The following ZRANB2 variants were observed in gnomAD, a reference collection of about 807,000 sequenced individuals.
ZRANB2 encodes the protein zinc finger Ran-binding domain-containing protein 2.
In ZRANB2, 19 loss-of-function variants were observed where a neutral mutation model predicts 53.4. That is an observed-to-expected ratio of 0.36 (90% CI 0.25 to 0.52). The LOEUF (loss-of-function observed/expected upper bound fraction) is 0.52, where lower values mean the gene tolerates loss of function less well. ZRANB2 is among the 20% of genes least tolerant of loss of function. The pLI is 0.93. For missense variants in ZRANB2, 309 were observed against 401.1 expected (o/e 0.77, Z 1.96); for synonymous variants, 145 against 134.8 (o/e 1.08, Z -0.52).
At chr1:71,065,231 T>C in intron 9 of ZRANB2, 94 bp from the exon 10 acceptor site, 1 of 956,396 alleles carries the variant, frequency 1.0e-6, no homozygotes, top group South Asian at 1.9e-5. Context: ...CAAAATTCAG[T>C]ACCATGATGC....
chr1:71,076,449 T>A (rs1661712142), intron 4 of ZRANB2, among the ~76,000 whole-genome samples: 1 of 152,270 alleles, frequency 6.6e-6, no homozygotes, highest in Admixed American at 6.5e-5. Flanking sequence ...GGCTTTGCCC[T>A]TTAAGTCACA....
intron 8 of ZRANB2, chr1:71,067,745 G>C (rs1291614067): frequency 2.4e-6 from 1 of 409,504 alleles, no homozygotes; most frequent in Admixed American, 3.8e-5. Context: ...AGAATATGAT[G>C]GGTGTTCTGT....
intron 8 of ZRANB2, chr1:71,067,808 A>G (rs1223289500): frequency 1.9e-5 from 7 of 365,350 alleles, no homozygotes; most frequent in Non-Finnish European, 3.7e-5. Flanking sequence ...AAGGATTTTT[A>G]CCTATAAAGC....
chr1:71,080,827 G>A, intron 1 of ZRANB2, 113 bp downstream of exon 1: 1 of 1,281,154 alleles, frequency 7.8e-7, no homozygotes, highest in Middle Eastern at 1.9e-4. Context: ...GCGGTTCGCC[G>A]CCTCAACCCG....
intron 8 of ZRANB2, among the ~76,000 whole-genome samples, chr1:71,068,638 CTT>C (rs1369296026): frequency 6.6e-6 from 1 of 152,022 alleles, no homozygotes; most frequent in Non-Finnish European, 1.5e-5. Flanking sequence ...ACTCTAGTAA[CTT>C]TATCTGATAT....
At chr1:71,080,284 C>A (rs1342119651) in intron 1 of ZRANB2, among the ~76,000 whole-genome samples, 1 of 152,112 alleles carries the variant, frequency 6.6e-6, no homozygotes, top group African/African-American at 2.4e-5. Flanking sequence ...GCCACTAACA[C>A]ACGTGCTTCT....
At position 71,080,976 on chromosome 1, in the gene ZRANB2, C is replaced by T. The variant is rs1301808929; in HGVS notation, c.20G>A (p.Arg7Gln). The change falls in exon 1 of 10, where the codon CGA (arginine) becomes CAA (glutamine). Residue 7 changes from arginine to glutamine, a missense_variant. Physicochemically the swap from Arg to Gln is conservative, Grantham distance 43 (BLOSUM62 1). Around this residue, in one of 3 missense-constraint regions of ZRANB2, gnomAD observed 24 missense variants for 24.9 expected, o/e 0.96. Transcript: ENST00000370920. Reference sequence around the variant, plus strand: ...GCAAATCCAGTCCCCGTCACTGACTCGGAAATTCTTGGTCGACATCTTGAA... The same window carrying T: ...GCAAATCCAGTCCCCGTCACTGACTTGGAAATTCTTGGTCGACATCTTGAA... MSTKNF[R>Q]VSDGDWICPD... 1 of 1,614,120 alleles carries T rather than the reference C, an allele frequency of 6.2e-7. No individual in the cohort carries two copies. The highest frequency in any genetic ancestry group is 8.5e-7 in the Non-Finnish European group (1 of 1,180,026).
Position 71,064,929 on chromosome 1 carries a change from C to A in ZRANB2, c.*145G>T. 2 of 488,598 alleles carry A rather than the reference C, an allele frequency of 4.1e-6. No individual in the cohort carries two copies. The highest frequency in any genetic ancestry group is 7.4e-6 in the Non-Finnish European group (2 of 269,762). 30.3% of individuals were successfully genotyped at this position (488,598 alleles called of 1,614,324 possible). A position where few individuals can be genotyped will look rare whatever the true frequency, so the allele number is the denominator to read the frequency against. On this transcript the variant is annotated 3_prime_UTR_variant, in exon 10 of 10. Coordinates refer to ENST00000370920, the MANE Select transcript of ZRANB2 (RefSeq NM_203350.3). ...ATTTACTTTTAACTTCACAAATAAA[C>A]ACAGCTGTATTGTTTTGAAAAGCAA...
In ZRANB2 at chr1:71,064,463, T is replaced by C. The variant is rs1661375669; in HGVS notation, c.*611A>G. The C allele has an allele frequency of 6.6e-6, 1 of 152,490 alleles. No homozygotes were observed. Among genetic ancestry groups the C allele is most frequent in the South Asian group, 2.1e-4 (1 of 4,836 alleles). 9.4% of individuals were successfully genotyped at this position (152,490 alleles called of 1,614,324 possible). A position where few individuals can be genotyped will look rare whatever the true frequency, so the allele number is the denominator to read the frequency against. The stretch of plus-strand genomic sequence containing the variant: ...AGGAAAATATATCCCACTTCTCTCC[T>C]TGTAGACATCACAAGATTCTTTTGC... On this transcript the variant is annotated 3_prime_UTR_variant, in exon 10 of 10. Coordinates refer to ENST00000370920, the MANE Select transcript of ZRANB2 (RefSeq NM_203350.3).
Position 71,070,929 on chromosome 1 carries a change from T to C in ZRANB2, c.581A>G (p.Asn194Ser), listed in dbSNP as rs1217839872. 6 of 1,611,688 alleles carry C rather than the reference T, an allele frequency of 3.7e-6. No individual in the cohort carries two copies. The highest frequency in any genetic ancestry group is 5.1e-6 in the Non-Finnish European group (6 of 1,179,014). ...ACTTCGTCTATTAGATTTCTTTTTATTACTATCTTCTTCTTCACTGGCATC... is the reference window on the plus strand; with the variant it reads ...ACTTCGTCTATTAGATTTCTTTTTACTACTATCTTCTTCTTCACTGGCATC... ...NLDASEEEDS[N>S]KKKSNRRSRS... The change falls in exon 7 of 10, where the codon AAT (asparagine) becomes AGT (serine). Residue 194 changes from asparagine (N) to serine (S), a missense_variant. By Grantham distance (46) the Asn-to-Ser change is conservative. Transcript: ENST00000370920.
chr1:71,076,537 A>C (rs1307249810), intron 4 of ZRANB2, among the ~76,000 whole-genome samples: 6 of 152,014 alleles, frequency 3.9e-5, no homozygotes, highest in African/African-American at 7.2e-5. Flanking sequence ...TGAAAGGGAG[A>C]GGAGGAGAAT....
At chr1:71,071,054 G>T in intron 6 of ZRANB2, 58 bp from the exon 7 acceptor site, 1 of 1,435,068 alleles carries the variant, frequency 7.0e-7, no homozygotes, top group South Asian at 1.5e-5. Flanking sequence ...TACCAGGAAA[G>T]ATAAAACAGT....
rs889442685 is a variant in ZRANB2, at chr1:71,063,415, C to T, written c.*1659G>A. On this transcript the variant is annotated 3_prime_UTR_variant, in exon 10 of 10. Coordinates refer to ENST00000370920, the MANE Select transcript of ZRANB2 (RefSeq NM_203350.3). ...AATGAACTAGTACAGCTTAGTTAAA[C>T]CAAATGAAATCATAATCATCAGAAT... The T allele has an allele frequency of 1.3e-5, 2 of 152,370 alleles. No individual in the cohort carries two copies. The highest frequency in any genetic ancestry group is 1.3e-4 in the Admixed American group (2 of 15,224). The allele number at this position is 152,370 out of a possible 1,614,324, so 9.4% of individuals were successfully genotyped here.
chr1:71,077,025 A>G, intron 3 of ZRANB2, 148 bp from the exon 4 acceptor site: 4 of 670,448 alleles, frequency 6.0e-6, no homozygotes, highest in Non-Finnish European at 1.0e-5. Context: ...AAGAAAATGT[A>G]CAGTGGCCTG....
chr1:71,068,032 T>C (rs938017534), intron 8 of ZRANB2, among the ~76,000 whole-genome samples: 1 of 152,054 alleles, frequency 6.6e-6, no homozygotes, highest in Non-Finnish European at 1.5e-5. Context: ...GCTGGTTGTT[T>C]TAATTTTTAT....
Position 71,064,992 on chromosome 1 carries a change from C to G in ZRANB2, c.*82G>C. ...ACCTCTACTAGCAGATTTAGCACTT[C>G]TGACCAAGTAAGACACCAACTTCTT... On this transcript the variant is annotated 3_prime_UTR_variant, in exon 10 of 10. Transcript: ENST00000370920. 1.0e-6 allele frequency: 1 copy of G among 969,850 alleles called. No homozygotes were observed. The highest frequency in any genetic ancestry group is 1.6e-6 in the Non-Finnish European group (1 of 634,962). 60.1% of individuals were successfully genotyped at this position (969,850 alleles called of 1,614,324 possible).
At chr1:71,068,634 G>A (rs891422976) in intron 8 of ZRANB2, among the ~76,000 whole-genome samples, 1 of 152,102 alleles carries the variant, frequency 6.6e-6, no homozygotes, top group African/African-American at 2.4e-5. Flanking sequence ...CAGTACTCTA[G>A]TAACTTTATC....
chr1:71,078,324 T>A, intron 3 of ZRANB2, 133 bp downstream of exon 3: 1 of 710,498 alleles, frequency 1.4e-6, no homozygotes, highest in Non-Finnish European at 2.4e-6. Flanking sequence ...AAGATGAGAC[T>A]GAATAACAAT....
intron 4 of ZRANB2, among the ~76,000 whole-genome samples, chr1:71,076,196 T>A (rs1661707223): frequency 6.6e-6 from 1 of 152,190 alleles, no homozygotes; most frequent in Non-Finnish European, 1.5e-5. Context: ...AAAAACTATA[T>A]GCTATTAGGT....
Sources: allele counts gnomAD v4.1 joint callset (sites outside exome capture counted in the v4.1 genomes callset), GRCh38; gene constraint gnomAD v4.1.1; regional missense constraint gnomAD v4.1.1; transcripts MANE v1.5; gene names NCBI Gene and HGNC (gene_info 2026-07-23, HGNC 2026-07-21).